The following FBXL13 variants were observed in gnomAD, a reference collection of about 807,000 sequenced individuals.
FBXL13 encodes F-box and leucine rich repeat protein 13, also known as F-box and leucine-rich repeat protein 13.
FBXL13 carries 67 observed loss-of-function variants against 83.6 expected under a neutral mutation model. The ratio of observed to expected loss-of-function variants is 0.80; its 90% confidence interval spans 0.66 to 0.98. FBXL13 has a LOEUF of 0.98. FBXL13 is among the 50% of genes least tolerant of loss of function. The pLI is 0.00. For missense variants in FBXL13, 822 were observed against 866.5 expected (o/e 0.95, Z 0.64); for synonymous variants, 272 against 299.5 (o/e 0.91, Z 0.95).
At chr7:102,908,543 T>C (rs1814128049) in intron 11 of FBXL13, among the ~76,000 whole-genome samples, 1 of 152,240 alleles carries the variant, frequency 6.6e-6, no homozygotes, top group South Asian at 2.1e-4. Context: ...TTTGTAGCCA[T>C]CCTTCTTGGG....
intron 8 of FBXL13, among the ~76,000 whole-genome samples, chr7:102,955,693 A>C (rs1489990037): frequency 6.6e-6 from 1 of 152,054 alleles, no homozygotes; most frequent in Admixed American, 6.5e-5. Context: ...AAAAATGATA[A>C]AGGGGATATC....
At chr7:102,919,558 A>T (rs1341512838) in intron 10 of FBXL13, among the ~76,000 whole-genome samples, 1 of 152,220 alleles carries the variant, frequency 6.6e-6, no homozygotes, top group Non-Finnish European at 1.5e-5. Context: ...AGAGAAAAGG[A>T]AAGTCTTGCA....
At chr7:102,870,828 A>G (rs1223543965) in intron 16 of FBXL13, among the ~76,000 whole-genome samples, 3 of 152,124 alleles carry the variant, frequency 2.0e-5, no homozygotes, top group Non-Finnish European at 4.4e-5. Flanking sequence ...AAGCAGGAGT[A>G]TTGCTTCAGC....
rs1204703268 is a variant in FBXL13 at position 103,060,055 on chromosome 7, T to C, written c.-104-4308A>G. ...ATATATATATATATATATATATATA[T>C]ATATATATACTTTTTTTTTTTTTTG... On this transcript the variant is annotated intron_variant, in intron 1 of 19. Transcript: ENST00000313221. Among the ~76,000 whole-genome samples the C allele has an allele frequency of 2.0e-4, 22 of 110,914 alleles. No homozygotes were observed. The South Asian group carries it at 2.5e-3, about 13-fold the overall frequency. 72.8% of individuals were successfully genotyped at this position (110,914 alleles called of 152,430 possible). A position where few individuals can be genotyped will look rare whatever the true frequency, so the allele number is the denominator to read the frequency against.
At position 102,963,600 on chromosome 7, in the gene FBXL13, C is replaced by T. The variant is rs1825621401; in HGVS notation, c.657G>A (p.Trp219Ter). Residue 219 changes from tryptophan (W) to a stop codon, truncating the protein, a stop_gained, in exon 8 of 20, where the codon TGG becomes TGA. Coordinates refer to ENST00000313221, the Ensembl canonical transcript of FBXL13. LOFTEE classifies it high-confidence loss of function. ...AATTCAAACGCAGCACATTTAAACG[C>T]CACCTTTGCAAAGTAGACACTATAT... 1.9e-6 allele frequency: 3 copies of T among 1,612,848 alleles called. No individual in the cohort carries two copies. The highest frequency in any genetic ancestry group is 2.5e-6 in the Non-Finnish European group (3 of 1,179,682).
chr7:102,977,170 G>A lies in FBXL13; in HGVS notation c.496-9053C>T, dbSNP rs146334560. Among the ~76,000 whole-genome samples the A allele has an allele frequency of 6.6e-3, 1,009 of 152,244 alleles. 16 individuals carry two copies. The highest frequency in any genetic ancestry group is 0.023 in the African/African-American group (975 of 41,540). On this transcript the variant is annotated intron_variant, in intron 6 of 19. Coordinates refer to ENST00000313221, the Ensembl canonical transcript of FBXL13. ...AATATTATGGTCCTGCCACTTGGGC[G>A]GAGGATGGTTCATGGGGTTATCGCA...
chr7:102,873,615 C>T (rs1046544213), intron 16 of FBXL13, among the ~76,000 whole-genome samples: 2 of 152,186 alleles, frequency 1.3e-5, no homozygotes, highest in Non-Finnish European at 2.9e-5. Context: ...TAAATCTGAC[C>T]ATGTTACTGT....
At chr7:102,954,455 C>A (rs1400570622) in intron 8 of FBXL13, among the ~76,000 whole-genome samples, 2 of 152,122 alleles carry the variant, frequency 1.3e-5, no homozygotes, top group African/African-American at 2.4e-5. Context: ...ATTATAAAGA[C>A]CATCACTGCT....
Position 102,877,455 on chromosome 7 carries a change from G to C in FBXL13, c.1635+12C>G. 6.4e-7 allele frequency: 1 copy of C among 1,567,412 alleles called. No individual in the cohort carries two copies. Among genetic ancestry groups the C allele is most frequent in the Non-Finnish European group, 8.6e-7 (1 of 1,161,888 alleles). ...ACAATAAAAGTCATTGTACTGTTTTGAATTTTTTTACCTCATTAGAGATGT... is the reference window on the plus strand; with the variant it reads ...ACAATAAAAGTCATTGTACTGTTTTCAATTTTTTTACCTCATTAGAGATGT... On this transcript the variant is annotated intron_variant, in intron 16 of 19. Coordinates refer to ENST00000313221, the Ensembl canonical transcript of FBXL13.
intron 2 of FBXL13, among the ~76,000 whole-genome samples, chr7:103,051,355 C>T (rs988398875): frequency 1.3e-5 from 2 of 152,198 alleles, no homozygotes; most frequent in Admixed American, 6.5e-5. Flanking sequence ...CAAATCCATT[C>T]CTGGACCCAG....
intron 8 of FBXL13, among the ~76,000 whole-genome samples, chr7:102,955,680 A>G (rs180817138): frequency 2.0e-5 from 3 of 152,206 alleles, no homozygotes; most frequent in South Asian, 4.1e-4. Flanking sequence ...AATAGACTCA[A>G]TAAAAAATGA....
chr7:102,973,664 C>A (rs1464971635), intron 6 of FBXL13: 1 of 766,284 alleles, frequency 1.3e-6, no homozygotes, highest in African/African-American at 1.7e-5. Flanking sequence ...CCCCCGTGGA[C>A]CTACCCCTCC....
chr7:102,850,453 C>T (rs1334758811), intron 17 of FBXL13, among the ~76,000 whole-genome samples: 1 of 152,068 alleles, frequency 6.6e-6, no homozygotes, highest in Non-Finnish European at 1.5e-5. Context: ...AACTGATCAC[C>T]ATATGAGAAA....
rs1158263069 is a variant in FBXL13, at chr7:102,995,478, C to CAAAAA, written c.496-27366_496-27362dup. Among the ~76,000 whole-genome samples, 25 of 28,602 alleles carry CAAAAA rather than the reference C, an allele frequency of 8.7e-4. 1 individual carries two copies. The highest frequency in any genetic ancestry group is 4.1e-3 in the African/African-American group (25 of 6,120). The allele number at this position is 28,602 out of a possible 152,430, so 18.8% of individuals were successfully genotyped here. On this transcript the variant is annotated intron_variant, in intron 6 of 19. Coordinates refer to ENST00000313221, the Ensembl canonical transcript of FBXL13. ...CCTGGATGACAGCGAGACTCCATCT[C>CAAAAA]AAAAAAAAAAAAAAAAAAAAAAAAA...
At chr7:102,990,806 G>C (rs1829481891) in intron 6 of FBXL13, among the ~76,000 whole-genome samples, 1 of 152,204 alleles carries the variant, frequency 6.6e-6, no homozygotes, top group African/African-American at 2.4e-5. Context: ...GCCAGAGAGG[G>C]TGCCTTGAAC....
In FBXL13 at chr7:102,883,330, C is replaced by T. The variant is rs1366343359; in HGVS notation, c.1363G>A (p.Val455Met). ...CTTACACAATTTGCCAAATTCAACA[C>T]AGTCAGTTGCTTCAAAGGTGAAAGG... The change falls in exon 14 of 20, where the codon GTG becomes ATG. Residue 455 changes from valine (V) to methionine (M), a missense_variant. Val to Met is a conservative substitution (Grantham distance 21). Coordinates refer to ENST00000313221, the Ensembl canonical transcript of FBXL13. 6 of 1,612,386 alleles carry T rather than the reference C, an allele frequency of 3.7e-6. No homozygotes were observed. The Middle Eastern group carries it at 8.2e-4, about 221-fold the overall frequency.
chr7:102,956,444 T>A lies in FBXL13; in HGVS notation c.724+7089A>T, dbSNP rs557248529. Among the ~76,000 whole-genome samples, 972 of 152,130 alleles carry A rather than the reference T, an allele frequency of 6.4e-3. 5 individuals are homozygous for A. Among genetic ancestry groups the A allele is most frequent in the Non-Finnish European group, 0.011 (750 of 67,972 alleles). On this transcript the variant is annotated intron_variant, in intron 8 of 19. Transcript: ENST00000313221. ...CCAATATCATACTGAATGGGCAAAA[T>A]TTGGAAGCATTCCCTTTGAAAACCA...
intron 6 of FBXL13, among the ~76,000 whole-genome samples, chr7:103,008,469 A>G (rs1791221069): frequency 6.6e-6 from 1 of 152,238 alleles, no homozygotes; most frequent in African/African-American, 2.4e-5. Flanking sequence ...ATTATTCAGG[A>G]AAAAATATTC....
chr7:103,067,773 G>A (rs1798541038), intron 1 of FBXL13, among the ~76,000 whole-genome samples: 1 of 152,232 alleles, frequency 6.6e-6, no homozygotes, highest in South Asian at 2.1e-4. Flanking sequence ...TCCCATAACT[G>A]TGAGAGGCAA....
Sources: gnomAD v4.1 joint callset for allele counts (sites outside exome capture counted in the v4.1 genomes callset) on GRCh38, gnomAD v4.1.1 for gene constraint, MANE v1.5 for transcripts, NCBI Gene and HGNC (gene_info 2026-07-23, HGNC 2026-07-21) for gene names.